SGCZ: variants seen among roughly 807,000 people sequenced by gnomAD.
The protein encoded by SGCZ is zeta-sarcoglycan.
In SGCZ, 40 loss-of-function variants were observed where a neutral mutation model predicts 41.3. The ratio of observed to expected loss-of-function variants is 0.97; its 90% CI spans 0.75 to 1.26. The LOEUF (loss-of-function observed/expected upper bound fraction) is 1.26. SGCZ is among the 50% of genes most tolerant of loss of function. The pLI is 0.00. For missense variants in SGCZ, 552 were observed against 369.8 expected (o/e 1.49, Z -4.04); for synonymous variants, 206 against 137.5 (o/e 1.50, Z -3.49).
chr8:15,150,989 A>T (rs1799163412), intron 1 of SGCZ, among the ~76,000 whole-genome samples: 1 of 152,240 alleles, frequency 6.6e-6, no homozygotes, highest in Non-Finnish European at 1.5e-5. Context: ...ACATGGCAGA[A>T]ATTATGGGCA....
In SGCZ at chr8:14,320,185, G is replaced by A. The variant is rs557123172; in HGVS notation, c.336+3918C>T. On this transcript the variant is annotated intron_variant, in intron 3 of 7. Coordinates refer to ENST00000382080, the MANE Select transcript of SGCZ (RefSeq NM_139167.4). ...TTGACTAAAGTGATTACTGATTAAT[G>A]TAAAAGCATAAACTTTATCTGCATT... is the stretch of plus-strand genomic sequence containing the variant. Among the ~76,000 whole-genome samples, 8 of 150,840 alleles carry A rather than the reference G, an allele frequency of 5.3e-5. 1 individual carries two copies. The South Asian group carries it at 1.3e-3, about 24-fold the overall frequency.
rs1803824544 is a variant in SGCZ at position 14,551,490 on chromosome 8, T to TATATATA, written c.234+3235_234+3241dup. Among the ~76,000 whole-genome samples, 5 of 2,668 alleles carry TATATATA rather than the reference T, an allele frequency of 1.9e-3. No homozygotes were observed. The Admixed American group carries it at 0.021, about 11-fold the overall frequency. 1.8% of individuals were successfully genotyped at this position (2,668 alleles called of 152,430 possible). On this transcript the variant is annotated intron_variant, in intron 2 of 7. Coordinates refer to ENST00000382080, the MANE Select transcript of SGCZ (RefSeq NM_139167.4). ...TATATATATTATATATTATATATAT[T>TATATATA]ATATATATTATATATATTATATATA...
chr8:15,096,551 A>G (rs1057058381), intron 1 of SGCZ, among the ~76,000 whole-genome samples: 1 of 152,184 alleles, frequency 6.6e-6, no homozygotes, highest in Non-Finnish European at 1.5e-5. Flanking sequence ...AGAACATGTA[A>G]TGCTTCCACC....
rs566699285 is a variant in SGCZ, at chr8:15,094,855, C to G, written c.39+142730G>C. Among the ~76,000 whole-genome samples, 23 of 152,196 alleles carry G rather than the reference C, an allele frequency of 1.5e-4. No individual in the cohort carries two copies. The South Asian group carries it at 4.6e-3, about 30-fold the overall frequency. On this transcript the variant is annotated intron_variant, in intron 1 of 7. Transcript: ENST00000382080. ...CTCCTGCCACCCTGTCAAGAGGTACCTTCTGTCATGTTTGTATGTTTCCCA... is the reference window on the plus strand; with the variant it reads ...CTCCTGCCACCCTGTCAAGAGGTACGTTCTGTCATGTTTGTATGTTTCCCA...
intron 1 of SGCZ, among the ~76,000 whole-genome samples, chr8:15,161,236 T>A (rs6987011): frequency 0.2 from 30,815 of 151,826 alleles, 3,802 homozygotes; most frequent in East Asian, 0.54. Context: ...TTAAACGCTC[T>A]CCCCCTACAT....
intron 1 of SGCZ, among the ~76,000 whole-genome samples, chr8:14,599,465 C>G (rs1260833339): frequency 1.3e-5 from 2 of 152,186 alleles, no homozygotes; most frequent in African/African-American, 4.8e-5. Flanking sequence ...ATTAATTTCA[C>G]AAGTGTAAAT....
At chr8:14,976,001 C>CATATATAT (rs145427292) in intron 1 of SGCZ, among the ~76,000 whole-genome samples, 10 of 140,174 alleles carry the variant, frequency 7.1e-5, no homozygotes, top group African/African-American at 2.4e-4. Context: ...TATATATATA[C>CATATATAT]ATATATATAT....
intron 1 of SGCZ, among the ~76,000 whole-genome samples, chr8:14,915,692 T>C (rs1564447): frequency 6.6e-6 from 1 of 152,018 alleles, no homozygotes; most frequent in Admixed American, 6.6e-5. Context: ...TGTGTTCCCT[T>C]CGTAGTAAAT....
chr8:14,353,511 C>G (rs899179892), intron 2 of SGCZ, among the ~76,000 whole-genome samples: 4 of 152,062 alleles, frequency 2.6e-5, no homozygotes, highest in African/African-American at 9.7e-5. Context: ...TTTAAGGTGT[C>G]TTCCCCATTC....
chr8:15,055,763 T>C (rs985980307), intron 1 of SGCZ, among the ~76,000 whole-genome samples: 1 of 152,160 alleles, frequency 6.6e-6, no homozygotes, highest in African/African-American at 2.4e-5. Flanking sequence ...TTGAGATGCC[T>C]AATGAAGCTT....
chr8:14,702,866 TA>T (rs1353306425), intron 1 of SGCZ, among the ~76,000 whole-genome samples: 1 of 135,478 alleles, frequency 7.4e-6, no homozygotes, highest in African/African-American at 2.8e-5. Context: ...GATAGATAGA[TA>T]GATAGATAGA....
chr8:14,977,409 G>GAAA (rs1801513814), intron 1 of SGCZ, among the ~76,000 whole-genome samples: 1 of 152,158 alleles, frequency 6.6e-6, no homozygotes, highest in Non-Finnish European at 1.5e-5. Context: ...TTAATATGCT[G>GAAA]AAAAACATTA....
At chr8:14,827,735 A>G (rs1443501556) in intron 1 of SGCZ, among the ~76,000 whole-genome samples, 1 of 152,228 alleles carries the variant, frequency 6.6e-6, no homozygotes. Flanking sequence ...ACTCTAATGC[A>G]ATGACAGAAT....
chr8:14,472,843 C>G (rs1281533852), intron 2 of SGCZ, among the ~76,000 whole-genome samples: 1 of 151,550 alleles, frequency 6.6e-6, no homozygotes, highest in Non-Finnish European at 1.5e-5. Flanking sequence ...ATTTCAAAAA[C>G]AAAAAAAGGT....
chr8:14,635,909 A>G (rs1285123737), intron 1 of SGCZ, among the ~76,000 whole-genome samples: 2 of 151,940 alleles, frequency 1.3e-5, no homozygotes, highest in Non-Finnish European at 2.9e-5. Flanking sequence ...AAAACTGATC[A>G]TTATAATGCT....
intron 1 of SGCZ, among the ~76,000 whole-genome samples, chr8:14,826,619 C>T (rs1240594325): frequency 1.3e-4 from 20 of 152,158 alleles, no homozygotes; most frequent in Admixed American, 7.2e-4. Context: ...TTTTAATGAT[C>T]GCCATTCTAA....
chr8:15,058,869 T>A (rs953885010), intron 1 of SGCZ, among the ~76,000 whole-genome samples: 3 of 152,220 alleles, frequency 2.0e-5, no homozygotes, highest in Non-Finnish European at 4.4e-5. Flanking sequence ...AAATGTATGT[T>A]ATACACATAG....
intron 1 of SGCZ, among the ~76,000 whole-genome samples, chr8:14,905,384 C>T (rs761646214): frequency 3.3e-5 from 5 of 151,952 alleles, no homozygotes; most frequent in Non-Finnish European, 5.9e-5. Flanking sequence ...TACGACATGA[C>T]ATCACACCGC....
intron 1 of SGCZ, among the ~76,000 whole-genome samples, chr8:15,236,130 A>G (rs1212813946): frequency 1.3e-5 from 2 of 152,158 alleles, no homozygotes; most frequent in African/African-American, 4.8e-5. Context: ...CAGGGAACTC[A>G]GTCTTCGGTG....
Sources: gnomAD v4.1 joint callset for allele counts (sites outside exome capture counted in the v4.1 genomes callset) on GRCh38, gnomAD v4.1.1 for gene constraint, MANE v1.5 for transcripts, NCBI Gene and HGNC (gene_info 2026-07-23, HGNC 2026-07-21) for gene names.